Variants in CDK14 observed in about 807,000 individuals in gnomAD.
CDK14 encodes cyclin dependent kinase 14.
Under a neutral mutation model 60.7 loss-of-function variants are expected in CDK14, and 34 were observed. The ratio of observed to expected loss-of-function variants is 0.56; its 90% CI spans 0.43 to 0.75. CDK14 has a LOEUF of 0.75. CDK14 is among the 30% of genes least tolerant of loss of function. The pLI is 0.00. For missense variants in CDK14, 482 were observed against 564.1 expected, an observed-to-expected ratio of 0.85 and a Z score of 1.47; for synonymous variants, 197 against 203.7, an observed-to-expected ratio of 0.97 and a Z score of 0.28.
At chr7:91,156,461 CT>C (rs922008452) in intron 14 of CDK14, among the ~76,000 whole-genome samples, 1 of 149,346 alleles carries the variant, frequency 6.7e-6, no homozygotes. Flanking sequence ...AGATCCTTTT[CT>C]TTTTTTTTTC....
chr7:90,936,576 G>A (rs1446157133), intron 8 of CDK14, among the ~76,000 whole-genome samples: 2 of 152,032 alleles, frequency 1.3e-5, no homozygotes, highest in Non-Finnish European at 2.9e-5. Flanking sequence ...TAGATAATGG[G>A]TTTGTTCAGC....
intron 4 of CDK14, among the ~76,000 whole-genome samples, chr7:90,750,648 G>A (rs1223064558): frequency 6.6e-6 from 1 of 152,130 alleles, no homozygotes; most frequent in African/African-American, 2.4e-5. Context: ...CAAGGCGAGC[G>A]GATCATCTGA....
At chr7:91,134,987 T>C (rs1171294304) in intron 14 of CDK14, among the ~76,000 whole-genome samples, 1 of 152,186 alleles carries the variant, frequency 6.6e-6, no homozygotes, top group Non-Finnish European at 1.5e-5. Context: ...TATTCAAATA[T>C]GTATGTATTT....
intron 3 of CDK14, among the ~76,000 whole-genome samples, chr7:90,730,542 A>G (rs1422474572): frequency 2.0e-5 from 3 of 152,098 alleles, no homozygotes; most frequent in African/African-American, 4.8e-5. Context: ...TTCAATGATC[A>G]TCATTCTAAC....
At chr7:91,120,536 C>CTTT (rs5885756) in intron 14 of CDK14, among the ~76,000 whole-genome samples, 3 of 139,302 alleles carry the variant, frequency 2.2e-5, no homozygotes, top group Non-Finnish European at 4.7e-5. Context: ...ACTTGTAAAG[C>CTTT]TTTTTTTTTT....
chr7:90,924,419 T>C (rs1793350537), intron 8 of CDK14, among the ~76,000 whole-genome samples: 1 of 146,696 alleles, frequency 6.8e-6, no homozygotes, highest in Non-Finnish European at 1.5e-5. Flanking sequence ...AAACATTCAG[T>C]AAGTGTAAAC....
In CDK14 at chr7:90,845,128, G is replaced by C. The variant is rs548836775; in HGVS notation, c.545-18047G>C. ...GATTTTTACTTATTTTTTTTCTTTTGTTTCAGTGTTGTGTCTCCAGTACCT... is the reference window on the plus strand; with the variant it reads ...GATTTTTACTTATTTTTTTTCTTTTCTTTCAGTGTTGTGTCTCCAGTACCT... On this transcript the variant is annotated intron_variant, in intron 5 of 14. Transcript: ENST00000380050. Among the ~76,000 whole-genome samples the C allele has an allele frequency of 6.6e-5, 10 of 151,714 alleles. No individual in the cohort carries two copies. The South Asian group carries it at 2.1e-3, about 32-fold the overall frequency.
chr7:91,050,179 A>T (rs1797349635), intron 11 of CDK14, among the ~76,000 whole-genome samples: 1 of 152,276 alleles, frequency 6.6e-6, no homozygotes, highest in South Asian at 2.1e-4. Flanking sequence ...TCTGAGTGAG[A>T]TAGAAAGCTC....
intron 4 of CDK14, among the ~76,000 whole-genome samples, chr7:90,788,986 G>C (rs1170651633): frequency 1.3e-5 from 2 of 152,106 alleles, no homozygotes; most frequent in Non-Finnish European, 2.9e-5. Flanking sequence ...ATTTATATTG[G>C]TATCCTCTAT....
intron 5 of CDK14, among the ~76,000 whole-genome samples, chr7:90,811,390 G>A (rs1193343035): frequency 6.6e-6 from 1 of 152,006 alleles, no homozygotes; most frequent in Non-Finnish European, 1.5e-5. Context: ...TTAATAAATG[G>A]TGCTGGGAAA....
At position 91,134,290 on chromosome 7, in the gene CDK14, T is replaced by A. The variant is rs1485402888; in HGVS notation, c.*28+16082T>A. On this transcript the variant is annotated intron_variant, in intron 14 of 14. Coordinates refer to ENST00000380050, the MANE Select transcript of CDK14 (RefSeq NM_001287135.2). The stretch of plus-strand genomic sequence containing the variant: ...ATAGCTCAACAGCTTGTAGCTAAAG[T>A]CTTTGAGGTAAATAATTTTTTTATC... Among the ~76,000 whole-genome samples, 8 of 152,122 alleles carry A rather than the reference T, an allele frequency of 5.3e-5. No homozygotes were observed. In the South Asian group the frequency reaches 1.2e-3, roughly 24 times the overall value.
chr7:91,055,269 A>G (rs115156174), intron 11 of CDK14, among the ~76,000 whole-genome samples: 52 of 152,354 alleles, frequency 3.4e-4, no homozygotes, highest in African/African-American at 1.1e-3. Context: ...CTTGATAATC[A>G]CTTAAAAATG....
At position 90,726,807 on chromosome 7, in the gene CDK14, A is replaced by G; in HGVS notation, c.364A>G (p.Ser122Gly). The G allele has an allele frequency of 6.2e-7, 1 of 1,613,400 alleles. No individual in the cohort carries two copies. The change falls in exon 3 of 15, where the codon AGC becomes GGC. Residue 122 changes from serine (S) to glycine (G), a missense_variant. By Grantham distance (56) the Ser-to-Gly change is moderately conservative (BLOSUM62 0). Coordinates refer to ENST00000380050, the MANE Select transcript of CDK14 (RefSeq NM_001287135.2). ...SPKVRRHSSP[S>G]SPTSPKFGKA... is the part of the protein sequence containing the mutation. The stretch of plus-strand genomic sequence containing the variant: ...TAAAGTTAGGCGGCACTCCAGCCCC[A>G]GCTCGGTAAGTGCAGTCTTTTTGTT...
chr7:90,692,779 T>C (rs144050989), intron 2 of CDK14: 19 of 500,246 alleles, frequency 3.8e-5, no homozygotes, highest in Middle Eastern at 1.0e-3. Flanking sequence ...AAATGGGCTA[T>C]TGTGGTTGGG....
At chr7:90,916,654 G>A (rs1216487965) in intron 7 of CDK14, among the ~76,000 whole-genome samples, 1 of 152,136 alleles carries the variant, frequency 6.6e-6, no homozygotes, top group Non-Finnish European at 1.5e-5. Flanking sequence ...TGGTTATATA[G>A]ACTAGAATAT....
chr7:90,796,072 G>GACCTTAACACAAAGCACAGGTCTCA (rs1359622069), intron 5 of CDK14, among the ~76,000 whole-genome samples: 14 of 152,192 alleles, frequency 9.2e-5, no homozygotes, highest in African/African-American at 3.4e-4. Flanking sequence ...AGCACACTGA[G>GACCTTAACACAAAGCACAGGTCTCA]ACCTGGCTTT....
chr7:90,823,162 A>G (rs535076194), intron 5 of CDK14, among the ~76,000 whole-genome samples: 1 of 152,294 alleles, frequency 6.6e-6, no homozygotes, highest in African/African-American at 2.4e-5. Flanking sequence ...GCTCATCCAG[A>G]TGCTTCTGGA....
At chr7:91,053,163 ATTATTT>A (rs1797441223) in intron 11 of CDK14, among the ~76,000 whole-genome samples, 1 of 152,204 alleles carries the variant, frequency 6.6e-6, no homozygotes, top group African/African-American at 2.4e-5. Context: ...GCTATATTTT[ATTATTT>A]ACAAAGCATT....
chr7:90,653,912 G>A (rs575136818), intron 2 of CDK14, among the ~76,000 whole-genome samples: 1 of 152,270 alleles, frequency 6.6e-6, no homozygotes, highest in South Asian at 2.1e-4. Context: ...GTGAGAACAG[G>A]TGGTGTTTGG....
Sources: gnomAD v4.1 joint callset for allele counts (sites outside exome capture counted in the v4.1 genomes callset) on GRCh38, gnomAD v4.1.1 for gene constraint, MANE v1.5 for transcripts, NCBI Gene and HGNC (gene_info 2026-07-23, HGNC 2026-07-21) for gene names.